Variants in ASTN2 observed in about 807,000 individuals in gnomAD.
ASTN2 encodes the protein astrotactin-2.
ASTN2 carries 54 observed loss-of-function variants against 139.8 expected under a neutral mutation model. That is an observed-to-expected ratio of 0.39 (90% CI 0.31 to 0.48). The LOEUF is 0.48. ASTN2 is among the 20% of genes least tolerant of loss of function. The pLI is 0.95. For missense variants in ASTN2, 1,565 were observed against 1,725.1 expected, an observed-to-expected ratio of 0.91 and a Z score of 1.64; for synonymous variants, 756 against 719.5, an observed-to-expected ratio of 1.05 and a Z score of -0.81.
intron 2 of ASTN2, among the ~76,000 whole-genome samples, chr9:117,242,806 G>T (rs1433206585): frequency 6.6e-6 from 1 of 152,186 alleles, no homozygotes; most frequent in Non-Finnish European, 1.5e-5. Flanking sequence ...CCTGGGAGCT[G>T]CCCAGAGCAA....
intron 19 of ASTN2, among the ~76,000 whole-genome samples, chr9:116,532,601 C>T (rs1851405776): frequency 1.3e-5 from 2 of 152,184 alleles, no homozygotes; most frequent in Admixed American, 6.5e-5. Context: ...TTTCCCAGCA[C>T]CATTTGTTAA....
At chr9:117,204,911 T>C (rs1038789385) in intron 3 of ASTN2, among the ~76,000 whole-genome samples, 1 of 15,416 alleles carries the variant, frequency 6.5e-5, no homozygotes, top group Non-Finnish European at 5.8e-4. Context: ...GGAAGCATGA[T>C]GTTTTGGCCT....
At chr9:116,533,230 A>C (rs1205570858) in intron 19 of ASTN2, among the ~76,000 whole-genome samples, 1 of 152,196 alleles carries the variant, frequency 6.6e-6, no homozygotes, top group Non-Finnish European at 1.5e-5. Context: ...GACTTTGCTG[A>C]AGTTGCTTAT....
At chr9:116,847,815 A>G (rs1264711062) in intron 11 of ASTN2, among the ~76,000 whole-genome samples, 1 of 152,188 alleles carries the variant, frequency 6.6e-6, no homozygotes, top group African/African-American at 2.4e-5. Flanking sequence ...TTACTTCCTC[A>G]TCTGTTATAT....
chr9:116,632,197 A>AG (rs1491547327), intron 17 of ASTN2, among the ~76,000 whole-genome samples: 323 of 28,438 alleles, frequency 0.011, 1 homozygote, highest in Non-Finnish European at 0.013. Flanking sequence ...AGAGAGAGAG[A>AG]AAGAAAGAAA....
rs183194793 is a variant in ASTN2, at chr9:116,652,041, G to A, written c.2807-248C>T. ...GCTTTGTCTGGCCCTCATTTTTCCC[G>A]TATGTAAAGTTGGGGCCAGGCACAA... is the stretch of plus-strand genomic sequence containing the variant. On this transcript the variant is annotated intron_variant, in intron 16 of 22. Transcript: ENST00000313400. Among the ~76,000 whole-genome samples the A allele has an allele frequency of 2.6e-4, 40 of 152,094 alleles. No individual in the cohort carries two copies. In the East Asian group the frequency reaches 4.8e-3, roughly 18 times the overall value.
chr9:116,865,983 A>G lies in ASTN2; in HGVS notation c.1890-2250T>C, dbSNP rs1833004663. Among the ~76,000 whole-genome samples, 3 of 152,144 alleles carry G rather than the reference A, an allele frequency of 2.0e-5. No individual in the cohort carries two copies. In the South Asian group the frequency reaches 6.2e-4, roughly 32 times the overall value. On this transcript the variant is annotated intron_variant, in intron 10 of 22. Coordinates refer to ENST00000313400, the MANE Select transcript of ASTN2 (RefSeq NM_001365068.1). ...ACATCAGGCAAGATCCTGACTCCCA[A>G]TCTCCACAGTAGCTTTATGTTACCG...
chr9:116,662,361 T>C (rs1327842002), intron 16 of ASTN2, among the ~76,000 whole-genome samples: 1 of 152,010 alleles, frequency 6.6e-6, no homozygotes, highest in Non-Finnish European at 1.5e-5. Flanking sequence ...TCACCTGAGG[T>C]CAGGAGTTCA....
chr9:117,014,201 G>A (rs1564384444), intron 6 of ASTN2, among the ~76,000 whole-genome samples: 3 of 152,104 alleles, frequency 2.0e-5, no homozygotes, highest in South Asian at 4.2e-4. Context: ...CTATCAGCCC[G>A]ACAGACCCAA....
chr9:116,694,893 A>T (rs1860766036), intron 16 of ASTN2, among the ~76,000 whole-genome samples: 1 of 152,156 alleles, frequency 6.6e-6, no homozygotes, highest in Non-Finnish European at 1.5e-5. Flanking sequence ...TATATGGTAA[A>T]TATTATTTTG....
chr9:117,099,177 T>C lies in ASTN2; in HGVS notation c.1169-3026A>G, dbSNP rs1294953815. Among the ~76,000 whole-genome samples, 3 of 150,290 alleles carry C rather than the reference T, an allele frequency of 2.0e-5. No homozygotes were observed. The East Asian group carries it at 5.9e-4, about 30-fold the overall frequency. Reference sequence around the variant, plus strand: ...ACATAATTCTTGGCCAAAGAAAAAATGAAGGCATCTGATAAAGTCATTCTC... The same window carrying C: ...ACATAATTCTTGGCCAAAGAAAAAACGAAGGCATCTGATAAAGTCATTCTC... On this transcript the variant is annotated intron_variant, in intron 4 of 22. Transcript: ENST00000313400.
In ASTN2 at chr9:116,439,194, A is replaced by ATTTTTTTTTTT. The variant is rs1016270368; in HGVS notation, c.3782+1404_3782+1414dup. ...GATGTTGTGTTTTCTATTCAAATAC[A>ATTTTTTTTTTT]TTTTTTTTTTTTTTTTTTTTTTTTG... On this transcript the variant is annotated intron_variant, in intron 22 of 22. Transcript: ENST00000313400. 3.0e-3 allele frequency among the ~76,000 whole-genome samples: 169 copies of ATTTTTTTTTTT among 56,722 alleles called. 13 individuals carry two copies. Among genetic ancestry groups the ATTTTTTTTTTT allele is most frequent in the Non-Finnish European group, 3.6e-3 (121 of 33,618 alleles). The allele number at this position is 56,722 out of a possible 152,430, so 37.2% of individuals were successfully genotyped here. A position where few individuals can be genotyped will look rare whatever the true frequency, so the allele number is the denominator to read the frequency against.
intron 5 of ASTN2, among the ~76,000 whole-genome samples, chr9:117,071,816 C>T (rs1291364899): frequency 6.6e-6 from 1 of 152,054 alleles, no homozygotes; most frequent in Non-Finnish European, 1.5e-5. Context: ...GGAAAGGGAA[C>T]TCCCTGACCC....
chr9:116,573,491 C>T (rs1168531652), intron 19 of ASTN2, among the ~76,000 whole-genome samples: 2 of 152,062 alleles, frequency 1.3e-5, no homozygotes, highest in Non-Finnish European at 2.9e-5. Flanking sequence ...CAGCATTTCA[C>T]AAAAGATATG....
chr9:116,575,294 T>C (rs574727042), intron 19 of ASTN2, among the ~76,000 whole-genome samples: 4 of 147,630 alleles, frequency 2.7e-5, no homozygotes, highest in African/African-American at 7.5e-5. Context: ...AATGTATAAT[T>C]AAAAAAAAAA....
intron 3 of ASTN2, among the ~76,000 whole-genome samples, chr9:117,163,732 T>C (rs948264130): frequency 1.3e-5 from 2 of 152,080 alleles, no homozygotes; most frequent in Admixed American, 1.3e-4. Flanking sequence ...AATGCATTTT[T>C]CCCTTTAGTT....
intron 10 of ASTN2, among the ~76,000 whole-genome samples, chr9:116,972,766 T>C (rs1026630359): frequency 6.6e-6 from 1 of 152,208 alleles, no homozygotes; most frequent in Non-Finnish European, 1.5e-5. Flanking sequence ...CAAGAATTTA[T>C]CACAGATTAG....
At chr9:117,099,080 C>T (rs1254864804) in intron 4 of ASTN2, among the ~76,000 whole-genome samples, 2 of 144,570 alleles carry the variant, frequency 1.4e-5, no homozygotes, top group East Asian at 4.2e-4. Flanking sequence ...ACACTCCAGC[C>T]TGGGTGACAG....
At chr9:116,926,697 A>T (rs7048464) in intron 10 of ASTN2, among the ~76,000 whole-genome samples, 6,846 of 152,208 alleles carry the variant, frequency 0.045, 458 homozygotes, top group African/African-American at 0.15. Context: ...CAGGATCGTG[A>T]GTGGGTAACT....
Sources: allele counts gnomAD v4.1 joint callset (sites outside exome capture counted in the v4.1 genomes callset), GRCh38; gene constraint gnomAD v4.1.1; transcripts MANE v1.5; gene names NCBI Gene and HGNC (gene_info 2026-07-23, HGNC 2026-07-21).